The following CAMK4 variants were observed in gnomAD, a reference collection of about 807,000 sequenced individuals.
The protein encoded by CAMK4 is calcium/calmodulin-dependent protein kinase type IV.
A neutral mutation model predicts 44.9 loss-of-function variants in CAMK4; 22 were observed. That is an observed-to-expected ratio of 0.49 (90% CI 0.35 to 0.70). The LOEUF is 0.70. Ranked by LOEUF, CAMK4 falls within the 30% of genes least tolerant of loss-of-function variation. CAMK4 has a pLI of 0.01. For synonymous variants in CAMK4, 218 were observed against 215.4 expected, an observed-to-expected ratio of 1.01 and a Z score of -0.11; for missense variants, 498 against 586.8, an observed-to-expected ratio of 0.85 and a Z score of 1.56.
chr5:111,430,418 G>A (rs368108303), intron 5 of CAMK4, among the ~76,000 whole-genome samples: 14 of 152,138 alleles, frequency 9.2e-5, no homozygotes, highest in Non-Finnish European at 1.8e-4. Context: ...AAGGATGCCC[G>A]CTGTCACCAC....
intron 1 of CAMK4, among the ~76,000 whole-genome samples, chr5:111,261,207 A>G (rs560252284): frequency 6.6e-6 from 1 of 151,918 alleles, no homozygotes; most frequent in South Asian, 2.1e-4. Context: ...TACTTTCCAT[A>G]CTCCTATTAC....
intron 1 of CAMK4, chr5:111,302,090 C>A (rs1216714218): frequency 6.6e-6 from 1 of 152,136 alleles, no homozygotes; most frequent in African/African-American, 2.4e-5. Flanking sequence ...TGGCTTTGGA[C>A]TGAAAAGAAA....
At chr5:111,353,062 T>C (rs2112775604) in intron 2 of CAMK4, among the ~76,000 whole-genome samples, 1 of 152,140 alleles carries the variant, frequency 6.6e-6, no homozygotes, top group Admixed American at 6.6e-5. Context: ...GTGATAAGGG[T>C]AGGTGCGGTT....
intron 1 of CAMK4, among the ~76,000 whole-genome samples, chr5:111,299,443 C>T (rs923053331): frequency 2.6e-5 from 4 of 152,222 alleles, no homozygotes; most frequent in Admixed American, 2.6e-4. Context: ...GCTTGGACCT[C>T]AGCTTGGGCT....
intron 1 of CAMK4, among the ~76,000 whole-genome samples, chr5:111,227,886 G>T (rs1748273604): frequency 6.6e-6 from 1 of 152,142 alleles, no homozygotes. Flanking sequence ...AATACGAATT[G>T]GCCATGATCC....
intron 1 of CAMK4, among the ~76,000 whole-genome samples, chr5:111,282,041 A>C (rs886797553): frequency 2.6e-5 from 4 of 151,520 alleles, no homozygotes; most frequent in African/African-American, 9.7e-5. Flanking sequence ...CCTGGGCGAC[A>C]GCGAGACTCC....
At chr5:111,260,540 G>A (rs1034314789) in intron 1 of CAMK4, among the ~76,000 whole-genome samples, 1 of 152,066 alleles carries the variant, frequency 6.6e-6, no homozygotes, top group Non-Finnish European at 1.5e-5. Flanking sequence ...CAGTGTTCTT[G>A]TCTTAAATAT....
chr5:111,466,857 A>G (rs1190805250), intron 7 of CAMK4, among the ~76,000 whole-genome samples: 1 of 152,174 alleles, frequency 6.6e-6, no homozygotes. Context: ...TAAAATTCAT[A>G]TGGAACCACA....
intron 1 of CAMK4, among the ~76,000 whole-genome samples, chr5:111,285,912 G>A (rs557625521): frequency 1.3e-5 from 2 of 152,258 alleles, no homozygotes; most frequent in African/African-American, 4.8e-5. Context: ...ATGAGTTTCA[G>A]CACTCTGGTG....
At position 111,224,680 on chromosome 5, in the gene CAMK4, G is replaced by A; in HGVS notation, c.161+36G>A. 1 of 1,583,194 alleles carries A rather than the reference G, an allele frequency of 6.3e-7. No homozygotes were observed. Among genetic ancestry groups the A allele is most frequent in the African/African-American group, 1.4e-5 (1 of 72,696 alleles). On this transcript the variant is annotated intron_variant, in intron 1 of 10. Transcript: ENST00000282356. This position sits in a 1 kb window ranked among gnomAD's most constrained non-coding sequence, Gnocchi z 5.7. ...GGCTCCGGCTGGGGAAGCCCGCGGC[G>A]TGCACTGGGGGTTGTCCCTCTCGCA...
intron 4 of CAMK4, among the ~76,000 whole-genome samples, chr5:111,381,187 C>T (rs1328589914): frequency 6.6e-6 from 1 of 152,118 alleles, no homozygotes; most frequent in Non-Finnish European, 1.5e-5. Context: ...TAAATCCTTC[C>T]CTTCCTTAGT....
chr5:111,417,431 G>A (rs1418259776), intron 5 of CAMK4, among the ~76,000 whole-genome samples: 2 of 151,914 alleles, frequency 1.3e-5, no homozygotes, highest in Admixed American at 6.6e-5. Context: ...GTCCAGGCTG[G>A]TCTCAAACTC....
At chr5:111,298,709 G>T (rs1490018592) in intron 1 of CAMK4, among the ~76,000 whole-genome samples, 2 of 152,292 alleles carry the variant, frequency 1.3e-5, no homozygotes, top group East Asian at 3.9e-4. Context: ...CACACCGCTC[G>T]GGCTCTGAAT....
At chr5:111,331,768 A>G (rs1216621974) in intron 1 of CAMK4, among the ~76,000 whole-genome samples, 1 of 151,758 alleles carries the variant, frequency 6.6e-6, no homozygotes, top group African/African-American at 2.4e-5. Flanking sequence ...GATTAATCCT[A>G]CTCAAAAACA....
chr5:111,325,795 G>T (rs1402148991), intron 1 of CAMK4, among the ~76,000 whole-genome samples: 3 of 152,032 alleles, frequency 2.0e-5, no homozygotes, highest in Admixed American at 1.3e-4. Flanking sequence ...CAGATGGACA[G>T]ATTGCAAAAC....
chr5:111,382,429 A>AT (rs1751451493), intron 4 of CAMK4, among the ~76,000 whole-genome samples: 1 of 152,182 alleles, frequency 6.6e-6, no homozygotes, highest in Non-Finnish European at 1.5e-5. Context: ...AAACTTAGAA[A>AT]AAGTCTGCAT....
intron 1 of CAMK4, among the ~76,000 whole-genome samples, chr5:111,341,344 A>G (rs1411467306): frequency 6.6e-6 from 1 of 151,172 alleles, no homozygotes; most frequent in African/African-American, 2.4e-5. Context: ...TTGCATTTCT[A>G]TCTGTGATCC....
At chr5:111,240,700 C>G (rs1469891859) in intron 1 of CAMK4, among the ~76,000 whole-genome samples, 3 of 152,050 alleles carry the variant, frequency 2.0e-5, no homozygotes, top group Non-Finnish European at 4.4e-5. Flanking sequence ...AAGGGTCATT[C>G]ATTCTGGAAG....
intron 4 of CAMK4, among the ~76,000 whole-genome samples, chr5:111,383,205 A>G (rs1016999859): frequency 6.6e-6 from 1 of 152,204 alleles, no homozygotes; most frequent in Non-Finnish European, 1.5e-5. Flanking sequence ...ACAACATTCT[A>G]GAAAAGGCAT....
Sources: allele counts gnomAD v4.1 joint callset (sites outside exome capture counted in the v4.1 genomes callset), GRCh38; gene constraint gnomAD v4.1.1; non-coding constraint Gnocchi (gnomAD v3.1); transcripts MANE v1.5; gene names NCBI Gene and HGNC (gene_info 2026-07-23, HGNC 2026-07-21).